Variants in EPHA5 observed in about 807,000 individuals in gnomAD.
EPHA5 encodes ephrin type-A receptor 5.
Under a neutral mutation model 105.0 loss-of-function variants are expected in EPHA5, and 60 were observed. The ratio of observed to expected loss-of-function variants is 0.57; its 90% CI spans 0.46 to 0.71. The LOEUF (loss-of-function observed/expected upper bound fraction) is 0.71, where lower values mean the gene tolerates loss of function less well. Among genes scored for constraint, EPHA5 ranks in the 30% least tolerant of loss-of-function variants. The pLI, the probability that EPHA5 is intolerant of heterozygous loss-of-function variation, is 0.00. For synonymous variants in EPHA5, 513 were observed against 449.1 expected (o/e 1.14, Z -1.80); for missense variants, 1,218 against 1,274.7 (o/e 0.96, Z 0.68).
At chr4:65,533,735 A>C (rs1453507762) in intron 3 of EPHA5, among the ~76,000 whole-genome samples, 1 of 152,036 alleles carries the variant, frequency 6.6e-6, no homozygotes, top group East Asian at 1.9e-4. Context: ...AGGAGTTGAG[A>C]CCAGTCTGGC....
chr4:65,534,281 AACTC>A (rs778042960), intron 3 of EPHA5, among the ~76,000 whole-genome samples: 1 of 152,160 alleles, frequency 6.6e-6, no homozygotes, highest in Non-Finnish European at 1.5e-5. Flanking sequence ...TTAAAGCAAA[AACTC>A]AATAATAAAC....
intron 3 of EPHA5, among the ~76,000 whole-genome samples, chr4:65,549,872 G>A (rs1450909797): frequency 1.3e-5 from 2 of 152,034 alleles, no homozygotes; most frequent in Non-Finnish European, 2.9e-5. Context: ...ACAAGTTCCT[G>A]TCCTGCTAAG....
At chr4:65,508,297 T>C (rs1329240920) in intron 3 of EPHA5, among the ~76,000 whole-genome samples, 2 of 152,272 alleles carry the variant, frequency 1.3e-5, no homozygotes, top group Admixed American at 6.6e-5. Context: ...TATACGGTCA[T>C]AAAATAAGTC....
In EPHA5 at chr4:65,365,680, TATATATATA is replaced by T. The variant is rs1560458160; in HGVS notation, c.1987+243_1987+251del. On this transcript the variant is annotated intron_variant, in intron 10 of 16. Coordinates refer to ENST00000613740, the MANE Select transcript of EPHA5 (RefSeq NM_001281766.3). ...ATATATATATATATATATATATATA[TATATATATA>T]GTGAAACATTATCTATTTAAAATAT... Among the ~76,000 whole-genome samples the T allele has an allele frequency of 4.2e-4, 48 of 113,570 alleles. 4 individuals are homozygous for T. Among genetic ancestry groups the T allele is most frequent in the Non-Finnish European group, 6.6e-4 (33 of 49,690 alleles). 74.5% of individuals were successfully genotyped at this position (113,570 alleles called of 152,430 possible). A position where few individuals can be genotyped will look rare whatever the true frequency, so the allele number is the denominator to read the frequency against.
At chr4:65,497,890 C>T (rs1732100339) in intron 3 of EPHA5, among the ~76,000 whole-genome samples, 2 of 151,860 alleles carry the variant, frequency 1.3e-5, no homozygotes, top group South Asian at 4.1e-4. Context: ...CTTGAACTGG[C>T]TTCAGAGGTA....
At chr4:65,354,302 T>C (rs1723100194) in intron 11 of EPHA5, among the ~76,000 whole-genome samples, 1 of 151,816 alleles carries the variant, frequency 6.6e-6, no homozygotes, top group South Asian at 2.1e-4. Flanking sequence ...TCATTCCATA[T>C]AAAATTGTGA....
At chr4:65,646,645 A>C (rs1471009002) in intron 1 of EPHA5, among the ~76,000 whole-genome samples, 1 of 152,158 alleles carries the variant, frequency 6.6e-6, no homozygotes, top group Non-Finnish European at 1.5e-5. Flanking sequence ...GAAATTTTCT[A>C]CTTTCACAAT....
At chr4:65,573,410 CAAAAAAAAAAA>C (rs71657188) in intron 3 of EPHA5, 17 of 655,934 alleles carry the variant, frequency 2.6e-5, no homozygotes, top group Middle Eastern at 4.0e-4. Context: ...GACTCCGTCT[CAAAAAAAAAAA>C]AAAAAAAAAA....
intron 3 of EPHA5, among the ~76,000 whole-genome samples, chr4:65,498,595 T>C (rs1732173847): frequency 6.6e-6 from 1 of 151,698 alleles, no homozygotes; most frequent in South Asian, 2.1e-4. Flanking sequence ...GAAATGAGAA[T>C]GGGGTAAAAT....
chr4:65,507,305 C>A (rs1227896572), intron 3 of EPHA5, among the ~76,000 whole-genome samples: 1 of 152,128 alleles, frequency 6.6e-6, no homozygotes, highest in African/African-American at 2.4e-5. Flanking sequence ...TAGTGTGATG[C>A]CTCCAGCTTT....
intron 3 of EPHA5, among the ~76,000 whole-genome samples, chr4:65,534,593 A>T (rs564462428): frequency 6.6e-6 from 1 of 152,374 alleles, no homozygotes; most frequent in South Asian, 2.1e-4. Context: ...CAAAGATGTC[A>T]TCAAAAGTAG....
Position 65,490,712 on chromosome 4 carries a change from C to T in EPHA5, c.1067G>A (p.Arg356Lys), listed in dbSNP as rs943944162. The T allele has an allele frequency of 1.4e-5, 23 of 1,611,718 alleles. No individual in the cohort carries two copies. Among genetic ancestry groups the T allele is most frequent in the Non-Finnish European group, 2.0e-5 (23 of 1,178,236 alleles). The change falls in exon 5 of 17, where the codon AGA becomes AAA. Residue 356 changes from arginine to lysine, a missense_variant and splice_region_variant. Physicochemically the swap from Arg to Lys is conservative, Grantham distance 26. This residue lies in a region of EPHA5 where 971 missense variants were observed against 1,013.5 expected (regional missense o/e 0.96). Transcript: ENST00000613740. ...ESDPPTMACT[R>K]PPSAPRNAIS... ...GGCATTCCGAGGAGCAGAGGGGGGT[C>T]CTGGTTTACAAAGTAAAGTAAGAAA...
At chr4:65,611,605 T>C (rs929854913) in intron 2 of EPHA5, among the ~76,000 whole-genome samples, 2 of 151,364 alleles carry the variant, frequency 1.3e-5, no homozygotes, top group Admixed American at 1.3e-4. Flanking sequence ...ATAAAATATA[T>C]CCGAAAATAT....
At chr4:65,379,089 T>C (rs1412890265) in intron 8 of EPHA5, among the ~76,000 whole-genome samples, 2 of 151,884 alleles carry the variant, frequency 1.3e-5, no homozygotes, top group Non-Finnish European at 2.9e-5. Context: ...TATAAATTCA[T>C]ATAGAATTGT....
At chr4:65,333,967 A>G (rs1720934502) in intron 15 of EPHA5, among the ~76,000 whole-genome samples, 1 of 151,698 alleles carries the variant, frequency 6.6e-6, no homozygotes, top group Non-Finnish European at 1.5e-5. Context: ...CATACCATCT[A>G]TTCAACTTCC....
intron 3 of EPHA5, among the ~76,000 whole-genome samples, chr4:65,554,036 G>A: frequency 6.6e-6 from 1 of 151,174 alleles, no homozygotes. Context: ...TATTGTCTCT[G>A]GTATAAAAGA....
chr4:65,540,408 C>T (rs528317383), intron 3 of EPHA5, among the ~76,000 whole-genome samples: 14 of 151,308 alleles, frequency 9.3e-5, no homozygotes, highest in African/African-American at 3.1e-4. Flanking sequence ...TTTTCCCTCT[C>T]TGAACTATTA....
chr4:65,361,295 A>G (rs1297238361), intron 11 of EPHA5, among the ~76,000 whole-genome samples: 1 of 151,690 alleles, frequency 6.6e-6, no homozygotes, highest in Admixed American at 6.6e-5. Context: ...GGTCGAGTAG[A>G]GAGAAGAGAG....
In EPHA5 at chr4:65,617,006, A is replaced by G. The variant is rs117016622; in HGVS notation, c.247-14702T>C. Among the ~76,000 whole-genome samples, 232 of 152,180 alleles carry G rather than the reference A, an allele frequency of 1.5e-3. 4 individuals are homozygous for G. The East Asian group carries it at 0.041, about 27-fold the overall frequency. ...ATAGAAAAGCGATACAGTAAATTAT[A>G]CTATTTGGTTTTATATAATATTTCC... On this transcript the variant is annotated intron_variant, in intron 2 of 16. Coordinates refer to ENST00000613740, the MANE Select transcript of EPHA5 (RefSeq NM_001281766.3).
Sources: allele counts gnomAD v4.1 joint callset (sites outside exome capture counted in the v4.1 genomes callset), GRCh38; gene constraint gnomAD v4.1.1; regional missense constraint gnomAD v4.1.1; transcripts MANE v1.5; gene names NCBI Gene and HGNC (gene_info 2026-07-23, HGNC 2026-07-21).